The following RBM10 variants were observed in gnomAD, a reference collection of about 807,000 sequenced individuals.
The protein encoded by RBM10 is RNA binding motif protein 10.
A neutral mutation model predicts 84.9 loss-of-function variants in RBM10; 1 was observed. That is an observed-to-expected ratio of 0.01 (90% confidence interval 0.00 to 0.06). The LOEUF is 0.06. Among genes scored for constraint, RBM10 ranks in the 10% least tolerant of loss-of-function variants. The pLI, the probability that RBM10 is intolerant of heterozygous loss-of-function variation, is 1.00. For synonymous variants in RBM10, 326 were observed against 344.5 expected (o/e 0.95, Z 0.60); for missense variants, 438 against 839.0 (o/e 0.52, Z 5.90).
In RBM10 at chrX:47,186,724, C is replaced by A; in HGVS notation, c.*125C>A. ...CAGCCCACTCCCCAGCCAGAGAGGG[C>A]TTGACCAAATCAAATTGAGGTGGTG... is the stretch of plus-strand genomic sequence containing the variant. On this transcript the variant is annotated 3_prime_UTR_variant, in exon 24 of 24. Coordinates refer to ENST00000377604, the MANE Select transcript of RBM10 (RefSeq NM_005676.5). The A allele has an allele frequency of 1.1e-6, 1 of 908,833 alleles. No homozygotes were observed. Among genetic ancestry groups the A allele is most frequent in the Non-Finnish European group, 1.6e-6 (1 of 632,752 alleles). The allele number at this position is 908,833 out of a possible 1,213,427, so 74.9% of individuals were successfully genotyped here.
chrX:47,175,834 G>C (rs1556775882), intron 6 of RBM10, among the ~76,000 whole-genome samples: 1 of 110,054 alleles, frequency 9.1e-6, no homozygotes, highest in African/African-American at 3.3e-5. Context: ...GAGACCCAAA[G>C]ATCTGCCTGG....
intron 2 of RBM10, among the ~76,000 whole-genome samples, chrX:47,158,647 C>T (rs1044863493): frequency 8.9e-6 from 1 of 111,823 alleles, no homozygotes. Flanking sequence ...AGTGATCTGC[C>T]CCCCTCGGCC....
Position 47,145,358 on chromosome X carries a change from G to C in RBM10, c.-253G>C, listed in dbSNP as rs181770538. On this transcript the variant is annotated 5_prime_UTR_variant, in exon 1 of 24. Transcript: ENST00000377604. ...CGCTTGGCGCTTCTCCCCTCCCCCC[G>C]ATCTGCCTCCAGTCTCGGACTTGGT... 13 of 992,694 alleles carry C rather than the reference G, an allele frequency of 1.3e-5. No individual in the cohort carries two copies. Among genetic ancestry groups the C allele is most frequent in the Non-Finnish European group, 1.8e-5 (13 of 725,273 alleles). The allele number at this position is 992,694 out of a possible 1,213,427, so 81.8% of individuals were successfully genotyped here. A position where few individuals can be genotyped will look rare whatever the true frequency, so the allele number is the denominator to read the frequency against.
At chrX:47,166,879 G>C (rs782186658) in intron 2 of RBM10, among the ~76,000 whole-genome samples, 27 of 108,298 alleles carry the variant, frequency 2.5e-4, no homozygotes, top group African/African-American at 9.1e-4. Context: ...GGGTTCAAGC[G>C]ATTCTCCTGT....
chrX:47,148,576 C>A (rs1170606535), intron 2 of RBM10, among the ~76,000 whole-genome samples: 1 of 108,040 alleles, frequency 9.3e-6, no homozygotes, highest in Non-Finnish European at 1.9e-5. Flanking sequence ...GCTGCTCTGT[C>A]GTGTTTGATA....
intron 17 of RBM10, among the ~76,000 whole-genome samples, chrX:47,182,981 T>C (rs1353534479): frequency 1.8e-5 from 2 of 112,426 alleles, no homozygotes; most frequent in Non-Finnish European, 3.8e-5. Flanking sequence ...AAGAGGAGTG[T>C]CTTCATCCAT....
At chrX:47,177,143 A>G in intron 7 of RBM10, among the ~76,000 whole-genome samples, 1 of 112,670 alleles carries the variant, frequency 8.9e-6, no homozygotes, top group East Asian at 2.8e-4. Context: ...CCTGGCCCAC[A>G]TTTAACACAG....
At chrX:47,175,601 C>T (rs782003514) in intron 6 of RBM10, among the ~76,000 whole-genome samples, 1 of 111,704 alleles carries the variant, frequency 9.0e-6, no homozygotes, top group Non-Finnish European at 1.9e-5. Flanking sequence ...AAGGGGACAG[C>T]ACTGCTCTGT....
rs945323150 is a variant in RBM10, at chrX:47,150,232, G to A, written c.17+2734G>A. On this transcript the variant is annotated intron_variant, in intron 2 of 23. Coordinates refer to ENST00000377604, the MANE Select transcript of RBM10 (RefSeq NM_005676.5). The stretch of plus-strand genomic sequence containing the variant: ...CACCCATGCTGGAGTGCAGTGGCAC[G>A]ATCTCGGCTCACTGCAAACTTCGCC... 6.0e-4 allele frequency among the ~76,000 whole-genome samples: 66 copies of A among 110,683 alleles called. 1 individual carries two copies. The highest frequency in any genetic ancestry group is 1.2e-3 in the Non-Finnish European group (64 of 52,861).
chrX:47,179,250 T>C, intron 8 of RBM10, 69 bp from the exon 9 acceptor site: 1 of 1,186,597 alleles, frequency 8.4e-7, no homozygotes, highest in South Asian at 1.9e-5. Context: ...GGGCTTGGTA[T>C]AGGGAGGAGG....
rs782187717 is a variant in RBM10, at chrX:47,186,054, C to A, written c.2431-11C>A. ...GCTCCCCAACATTCACATACACATACAAACTTTCAGCAAATGAAGTACCGG... is the reference window on the plus strand; with the variant it reads ...GCTCCCCAACATTCACATACACATAAAAACTTTCAGCAAATGAAGTACCGG... On this transcript the variant is annotated splice_polypyrimidine_tract_variant and intron_variant, in intron 21 of 23. Transcript: ENST00000377604. 21 of 1,210,294 alleles carry A rather than the reference C, an allele frequency of 1.7e-5. No individual in the cohort carries two copies. In the South Asian group the frequency reaches 3.5e-4, roughly 20 times the overall value.
intron 2 of RBM10, among the ~76,000 whole-genome samples, chrX:47,166,144 C>T (rs1018864799): frequency 5.4e-5 from 6 of 111,962 alleles, no homozygotes; most frequent in African/African-American, 1.6e-4. Context: ...CAGTGGCTCC[C>T]GTCTGTAATC....
intron 2 of RBM10, among the ~76,000 whole-genome samples, chrX:47,149,698 A>G (rs1290885240): frequency 2.7e-5 from 3 of 110,865 alleles, no homozygotes; most frequent in Non-Finnish European, 5.7e-5. Flanking sequence ...ATTGCCATGT[A>G]TATGTTACTA....
intron 2 of RBM10, among the ~76,000 whole-genome samples, chrX:47,158,397 C>G (rs1556765859): frequency 8.9e-6 from 1 of 111,762 alleles, no homozygotes; most frequent in Non-Finnish European, 1.9e-5. Context: ...GAGCTCACGG[C>G]CCACATACAG....
At chrX:47,154,598 C>T (rs1459177682) in intron 2 of RBM10, among the ~76,000 whole-genome samples, 2 of 109,254 alleles carry the variant, frequency 1.8e-5, no homozygotes, top group Admixed American at 9.9e-5. Context: ...ATTACAGGCC[C>T]GTGCCACCAC....
chrX:47,157,780 CTT>C (rs147325464), intron 2 of RBM10: 9,000 of 290,908 alleles, frequency 0.031, no homozygotes, highest in East Asian at 0.042. Context: ...AGCTGCATGA[CTT>C]TTTTTTTTTT....
intron 6 of RBM10, among the ~76,000 whole-genome samples, chrX:47,175,777 C>T (rs913143506): frequency 9.0e-6 from 1 of 110,861 alleles, no homozygotes; most frequent in African/African-American, 3.3e-5. Context: ...GGGAGCCTGT[C>T]CCCCAAGCCT....
At chrX:47,184,404 T>A (rs1321329390) in intron 17 of RBM10, among the ~76,000 whole-genome samples, 1 of 112,666 alleles carries the variant, frequency 8.9e-6, no homozygotes, top group Non-Finnish European at 1.9e-5. Flanking sequence ...GTGCTGGGAT[T>A]ACAGGTGTGA....
At chrX:47,166,283 T>C (rs1934193882) in intron 2 of RBM10, among the ~76,000 whole-genome samples, 2 of 110,006 alleles carry the variant, frequency 1.8e-5, no homozygotes, top group Admixed American at 2.0e-4. Flanking sequence ...GGTGCATTCC[T>C]GTAGTCCCAG....
Sources: gnomAD v4.1 joint callset for allele counts (sites outside exome capture counted in the v4.1 genomes callset) on GRCh38, gnomAD v4.1.1 for gene constraint, MANE v1.5 for transcripts, NCBI Gene and HGNC (gene_info 2026-07-23, HGNC 2026-07-21) for gene names.